The following ROR2 variants were observed in gnomAD, a reference collection of about 807,000 sequenced individuals.
ROR2 encodes tyrosine-protein kinase transmembrane receptor ROR2.
In ROR2, 33 loss-of-function variants were observed where a neutral mutation model predicts 74.9. The observed-to-expected ratio is 0.44, with a 90% confidence interval of 0.33 to 0.59. ROR2 has a LOEUF of 0.59. Ranked by LOEUF, ROR2 falls within the 20% of genes least tolerant of loss-of-function variation. The pLI, the probability that ROR2 is intolerant of heterozygous loss-of-function variation, is 0.02. For synonymous variants in ROR2, 586 were observed against 558.7 expected, an observed-to-expected ratio of 1.05 and a Z score of -0.69; for missense variants, 1,216 against 1,313.8, an observed-to-expected ratio of 0.93 and a Z score of 1.15.
Position 91,724,359 on chromosome 9 carries a change from G to C in ROR2, c.2135C>G (p.Pro712Arg). Residue 712 changes from proline to arginine, a missense_variant, in exon 9 of 9, where the codon CCT becomes CGT. Transcript: ENST00000375708. ...CCAGGCGGGACAGTCATCGGGGCAA[G>C]GCAGCACCTGCCGGTTCCGGATCAT... ...VEMIRNRQVLPCPDDCPAWVY... is the reference protein window; with the variant it reads ...VEMIRNRQVLRCPDDCPAWVY... The C allele has an allele frequency of 6.2e-7, 1 of 1,613,852 alleles. No individual in the cohort carries two copies.
intron 1 of ROR2, among the ~76,000 whole-genome samples, chr9:91,809,050 G>T (rs59903414): frequency 0.021 from 3,128 of 151,926 alleles, 92 homozygotes; most frequent in East Asian, 0.16. Flanking sequence ...CTGTCATTTG[G>T]AAATGGACAT....
chr9:91,779,132 G>A (rs912826556), intron 1 of ROR2, among the ~76,000 whole-genome samples: 1 of 152,020 alleles, frequency 6.6e-6, no homozygotes, highest in African/African-American at 2.4e-5. Context: ...TAATGCACCC[G>A]TATTATGGGG....
At chr9:91,948,622 G>GC in intron 1 of ROR2, 2 of 985,494 alleles carry the variant, frequency 2.0e-6, no homozygotes, top group Non-Finnish European at 2.4e-6. Flanking sequence ...GCCGGCTAGG[G>GC]CGGCAGGCCA....
At chr9:91,769,440 T>C (rs1826159494) in intron 2 of ROR2, among the ~76,000 whole-genome samples, 1 of 152,174 alleles carries the variant, frequency 6.6e-6, no homozygotes, top group East Asian at 1.9e-4. Flanking sequence ...CCTTCAGAGC[T>C]GTCCTGGGGG....
chr9:91,886,327 C>G (rs1055226005), intron 1 of ROR2, among the ~76,000 whole-genome samples: 1 of 152,158 alleles, frequency 6.6e-6, no homozygotes, highest in African/African-American at 2.4e-5. Flanking sequence ...TCATTCTCCC[C>G]CTCCCCTCGC....
In ROR2 at chr9:91,796,618, C is replaced by T. The variant is rs150143284; in HGVS notation, c.98-20800G>A. Among the ~76,000 whole-genome samples the T allele has an allele frequency of 3.3e-3, 506 of 152,238 alleles. 1 individual carries two copies. Among genetic ancestry groups the T allele is most frequent in the Non-Finnish European group, 5.8e-3 (392 of 68,012 alleles). Reference sequence around the variant, plus strand: ...CCTGGGTACCTGGGTGGGACGCTGACGCCCTGGGCTCAGTGGGAGGGGTTG... The same window carrying T: ...CCTGGGTACCTGGGTGGGACGCTGATGCCCTGGGCTCAGTGGGAGGGGTTG... On this transcript the variant is annotated intron_variant, in intron 1 of 8. Transcript: ENST00000375708.
chr9:91,837,820 T>C (rs7847473), intron 1 of ROR2, among the ~76,000 whole-genome samples: 76,942 of 152,132 alleles, frequency 0.51, 23,597 homozygotes, highest in African/African-American at 0.86. Flanking sequence ...TTGTAGGTTT[T>C]TTAATTTTAA....
At chr9:91,776,411 A>G (rs894312080) in intron 1 of ROR2, among the ~76,000 whole-genome samples, 1 of 152,228 alleles carries the variant, frequency 6.6e-6, no homozygotes, top group Non-Finnish European at 1.5e-5. Context: ...GCCCTGAGCC[A>G]TCTTTCATAA....
chr9:91,812,326 A>G (rs1449189442), intron 1 of ROR2, among the ~76,000 whole-genome samples: 1 of 152,094 alleles, frequency 6.6e-6, no homozygotes, highest in African/African-American at 2.4e-5. Context: ...GGTCGTTGAG[A>G]TTACCCGATC....
chr9:91,727,961 A>G lies in ROR2; in HGVS notation c.1184-1218T>C, dbSNP rs149272844. Among the ~76,000 whole-genome samples, 612 of 152,318 alleles carry G rather than the reference A, an allele frequency of 4.0e-3. 6 individuals are homozygous for G. Among genetic ancestry groups the G allele is most frequent in the African/African-American group, 0.014 (591 of 41,552 alleles). ...AAACTTTCTTCTGGCCCCACCTAGCAGCTTCCCCTCTGAAAGGGTTCTGAG... is the reference window on the plus strand; with the variant it reads ...AAACTTTCTTCTGGCCCCACCTAGCGGCTTCCCCTCTGAAAGGGTTCTGAG... On this transcript the variant is annotated intron_variant, in intron 7 of 8. Transcript: ENST00000375708.
chr9:91,733,425 T>C lies in ROR2; in HGVS notation c.634A>G (p.Met212Val), dbSNP rs2118703110. Reference sequence around the variant, plus strand: ...GACAGGTGCGTAGACGTGCCGATCATGGTGAAGGCCGCTGCAGAGCCCGCG... The same window carrying C: ...GACAGGTGCGTAGACGTGCCGATCACGGTGAAGGCCGCTGCAGAGCCCGCG... ...IENRITAAFT[M>V]IGTSTHLSDQ... Residue 212 changes from methionine (M) to valine (V), a missense_variant, in exon 6 of 9, where the codon ATG (methionine) becomes GTG (valine). Transcript: ENST00000375708. This position sits in a 1 kb window ranked among gnomAD's most constrained non-coding sequence, Gnocchi z 5.7. 6.2e-7 allele frequency: 1 copy of C among 1,611,008 alleles called. No individual in the cohort carries two copies. Among genetic ancestry groups the C allele is most frequent in the Non-Finnish European group, 8.5e-7 (1 of 1,179,628 alleles).
chr9:91,811,685 G>A (rs1827756348), intron 1 of ROR2, among the ~76,000 whole-genome samples: 1 of 152,202 alleles, frequency 6.6e-6, no homozygotes, highest in South Asian at 2.1e-4. Flanking sequence ...GGATCCGACA[G>A]CCAGGGGCAG....
intron 1 of ROR2, among the ~76,000 whole-genome samples, chr9:91,894,149 T>G (rs1291221902): frequency 6.6e-6 from 1 of 152,108 alleles, no homozygotes; most frequent in African/African-American, 2.4e-5. Context: ...AGCACCCACC[T>G]CTAGGTTCAC....
chr9:91,738,798 C>G (rs10117385), intron 4 of ROR2, among the ~76,000 whole-genome samples: 6 of 152,132 alleles, frequency 3.9e-5, no homozygotes, highest in African/African-American at 1.4e-4. Flanking sequence ...GGGAGAGACA[C>G]GGACAGGCTG....
At chr9:91,922,122 AACAAAC>A (rs909090186) in intron 1 of ROR2, among the ~76,000 whole-genome samples, 2 of 140,904 alleles carry the variant, frequency 1.4e-5, no homozygotes, top group African/African-American at 2.5e-5. Flanking sequence ...CAACAACAAC[AACAAAC>A]AACAACAACA....
At chr9:91,772,931 C>T (rs1329605680) in intron 2 of ROR2, among the ~76,000 whole-genome samples, 1 of 152,208 alleles carries the variant, frequency 6.6e-6, no homozygotes, top group Non-Finnish European at 1.5e-5. Flanking sequence ...CTTATAAATG[C>T]CAGGAGCTTG....
chr9:91,858,308 C>T (rs1829360509), intron 1 of ROR2, among the ~76,000 whole-genome samples: 2 of 152,242 alleles, frequency 1.3e-5, no homozygotes, highest in South Asian at 4.1e-4. Context: ...CACGGGCATA[C>T]ACATCTAAGC....
intron 1 of ROR2, chr9:91,948,473 G>C: frequency 1.5e-6 from 1 of 674,590 alleles, no homozygotes; most frequent in Non-Finnish European, 1.8e-6. Flanking sequence ...AGCGGTTTAT[G>C]CTTTAATGCA....
intron 1 of ROR2, among the ~76,000 whole-genome samples, chr9:91,851,812 T>A (rs1829103230): frequency 6.6e-6 from 1 of 151,964 alleles, no homozygotes; most frequent in South Asian, 2.1e-4. Flanking sequence ...CTGTCTCTAC[T>A]AAAAGTACAA....
Sources: gnomAD v4.1 joint callset for allele counts (sites outside exome capture counted in the v4.1 genomes callset) on GRCh38, gnomAD v4.1.1 for gene constraint, Gnocchi (gnomAD v3.1) non-coding constraint, MANE v1.5 for transcripts, NCBI Gene and HGNC (gene_info 2026-07-23, HGNC 2026-07-21) for gene names.